The following AK4 variants were observed in gnomAD, a reference collection of about 807,000 sequenced individuals.
AK4 encodes adenylate kinase 4, mitochondrial.
A neutral mutation model predicts 24.6 loss-of-function variants in AK4; 13 were observed. That is an observed-to-expected ratio of 0.53 (90% CI 0.34 to 0.84). The LOEUF (loss-of-function observed/expected upper bound fraction) is 0.84, where lower values mean the gene tolerates loss of function less well. AK4 is among the 40% of genes least tolerant of loss of function. The pLI, the probability that AK4 is intolerant of heterozygous loss-of-function variation, is 0.01. For missense variants in AK4, 192 were observed against 288.2 expected (o/e 0.67, Z 2.42); for synonymous variants, 88 against 107.0 (o/e 0.82, Z 1.10).
At chr1:65,180,545 G>T (rs1650866151) in intron 1 of AK4, among the ~76,000 whole-genome samples, 1 of 152,094 alleles carries the variant, frequency 6.6e-6, no homozygotes, top group Admixed American at 6.5e-5. Flanking sequence ...GCCTCTAAAG[G>T]ACTTTGACAT....
At chr1:65,222,021 C>T (rs1017432680) in intron 3 of AK4, among the ~76,000 whole-genome samples, 1 of 152,162 alleles carries the variant, frequency 6.6e-6, no homozygotes, top group Admixed American at 6.5e-5. Context: ...ACAGCCCTCT[C>T]TACAGAGATA....
chr1:65,152,002 C>T (rs1317995868), intron 1 of AK4, among the ~76,000 whole-genome samples: 2 of 151,998 alleles, frequency 1.3e-5, no homozygotes, highest in Admixed American at 1.3e-4. Context: ...TAGCTTTTCT[C>T]TGTGTATGTA....
intron 2 of AK4, among the ~76,000 whole-genome samples, chr1:65,207,902 C>T (rs1651859821): frequency 1.3e-5 from 2 of 152,160 alleles, no homozygotes; most frequent in Admixed American, 1.3e-4. Context: ...CATAGTATTC[C>T]ATGGTATATG....
chr1:65,161,421 A>G lies in AK4; in HGVS notation c.145+12869A>G, dbSNP rs1000812034. Among the ~76,000 whole-genome samples the G allele has an allele frequency of 2.0e-5, 3 of 152,174 alleles. No individual in the cohort carries two copies. In the South Asian group the frequency reaches 6.2e-4, roughly 32 times the overall value. On this transcript the variant is annotated intron_variant, in intron 1 of 4. Transcript: ENST00000327299. The stretch of plus-strand genomic sequence containing the variant: ...CCAGGAGGCATGGCGGTGCGCATGC[A>G]TGCAGGTAGAGCATGGGGGTCATAG...
At chr1:65,187,231 C>T (rs902595944) in intron 1 of AK4, among the ~76,000 whole-genome samples, 1 of 151,700 alleles carries the variant, frequency 6.6e-6, no homozygotes, top group Non-Finnish European at 1.5e-5. Context: ...CCTGTAGTCC[C>T]AGCTACTCGG....
intron 2 of AK4, among the ~76,000 whole-genome samples, chr1:65,214,272 G>A (rs1353351483): frequency 6.6e-6 from 1 of 152,050 alleles, no homozygotes; most frequent in Non-Finnish European, 1.5e-5. Context: ...CACCATGCCT[G>A]GCTTATTTTT....
chr1:65,217,707 A>G (rs186499061), intron 2 of AK4, among the ~76,000 whole-genome samples: 5 of 152,322 alleles, frequency 3.3e-5, no homozygotes, highest in Admixed American at 3.3e-4. Context: ...CCCAGAGCTT[A>G]TACTTAAATC....
rs1267703100 is a variant in AK4, at chr1:65,177,928, A to C, written c.146-12782A>C. On this transcript the variant is annotated intron_variant, in intron 1 of 4. Transcript: ENST00000327299. ...AAGGCTTGCCAAAGAATCAGACTAT[A>C]AGATAGCATTTAAAAAAAAAAAACA... 2.2e-5 allele frequency among the ~76,000 whole-genome samples: 3 copies of C among 136,442 alleles called. No individual in the cohort carries two copies. In the East Asian group the frequency reaches 7.4e-4, roughly 34 times the overall value. 89.5% of individuals were successfully genotyped at this position (136,442 alleles called of 152,430 possible).
At chr1:65,198,738 TA>T (rs1651565078) in intron 2 of AK4, among the ~76,000 whole-genome samples, 1 of 146,684 alleles carries the variant, frequency 6.8e-6, no homozygotes, top group African/African-American at 2.5e-5. Flanking sequence ...CAAGACAATG[TA>T]AATATGCCTG....
In AK4 at chr1:65,186,964, T is replaced by C. The variant is rs187676088; in HGVS notation, c.146-3746T>C. The stretch of plus-strand genomic sequence containing the variant: ...GGCATAACCATACAATGAAATGTTA[T>C]TTAGCCATAAATAGGAGTGAAATAT... On this transcript the variant is annotated intron_variant, in intron 1 of 4. Transcript: ENST00000327299. Among the ~76,000 whole-genome samples, 197 of 152,332 alleles carry C rather than the reference T, an allele frequency of 1.3e-3. 1 individual carries two copies. The highest frequency in any genetic ancestry group is 3.8e-4 in the Non-Finnish European group (26 of 68,030).
At chr1:65,167,611 A>C (rs1650376705) in intron 1 of AK4, among the ~76,000 whole-genome samples, 1 of 152,186 alleles carries the variant, frequency 6.6e-6, no homozygotes, top group African/African-American at 2.4e-5. Context: ...TAGAGACTAA[A>C]CACTATGCAT....
Position 65,172,090 on chromosome 1 carries a change from TA to T in AK4, c.146-18619del, listed in dbSNP as rs1557444518. Among the ~76,000 whole-genome samples, 13 of 115,896 alleles carry T rather than the reference TA, an allele frequency of 1.1e-4. No homozygotes were observed. In the South Asian group the frequency reaches 1.2e-3, roughly 10 times the overall value. 76.0% of individuals were successfully genotyped at this position (115,896 alleles called of 152,430 possible). On this transcript the variant is annotated intron_variant, in intron 1 of 4. Transcript: ENST00000327299. Reference sequence around the variant, plus strand: ...ATATATATATATATATATATATATATATATATATATATATTTAAACTCATTA... The same window carrying T: ...ATATATATATATATATATATATATATTATATATATATATTTAAACTCATTA...
chr1:65,190,027 C>G (rs142125517), intron 1 of AK4, among the ~76,000 whole-genome samples: 1 of 152,272 alleles, frequency 6.6e-6, no homozygotes, highest in East Asian at 1.9e-4. Context: ...TTGTGCTTCT[C>G]ATCTTCCTTT....
intron 1 of AK4, among the ~76,000 whole-genome samples, chr1:65,184,187 T>C (rs985928019): frequency 5.9e-5 from 9 of 152,170 alleles, no homozygotes; most frequent in Non-Finnish European, 1.0e-4. Context: ...TAAGATGAAT[T>C]GCCACAAAAT....
intron 1 of AK4, among the ~76,000 whole-genome samples, chr1:65,163,182 C>T (rs973713564): frequency 6.6e-6 from 1 of 152,130 alleles, no homozygotes; most frequent in Non-Finnish European, 1.5e-5. Flanking sequence ...TGTGGAAGTG[C>T]CTGTTATCCA....
chr1:65,221,385 A>T (rs1371766233), intron 3 of AK4, among the ~76,000 whole-genome samples: 2 of 152,188 alleles, frequency 1.3e-5, no homozygotes, highest in Admixed American at 6.5e-5. Flanking sequence ...CCATTGTGTC[A>T]GTAAAGTCCC....
At chr1:65,220,562 G>A (rs192821063) in intron 3 of AK4, among the ~76,000 whole-genome samples, 5 of 152,088 alleles carry the variant, frequency 3.3e-5, no homozygotes, top group South Asian at 4.1e-4. Flanking sequence ...TGCAACGTCC[G>A]CCTCCTGGGT....
chr1:65,201,758 A>C (rs1651669337), intron 2 of AK4, among the ~76,000 whole-genome samples: 1 of 152,164 alleles, frequency 6.6e-6, no homozygotes, highest in South Asian at 2.1e-4. Flanking sequence ...GGTATTAGGA[A>C]GGCTTCCTGG....
At chr1:65,158,600 A>G (rs1008765930) in intron 1 of AK4, among the ~76,000 whole-genome samples, 1 of 152,104 alleles carries the variant, frequency 6.6e-6, no homozygotes, top group African/African-American at 2.4e-5. Context: ...TCCTGGGTTC[A>G]AGCGATTCTT....
Sources: allele counts gnomAD v4.1 joint callset (sites outside exome capture counted in the v4.1 genomes callset), GRCh38; gene constraint gnomAD v4.1.1; transcripts MANE v1.5; gene names NCBI Gene and HGNC (gene_info 2026-07-23, HGNC 2026-07-21).